NSUN6: variants seen among roughly 807,000 people sequenced by gnomAD.
The protein encoded by NSUN6 is tRNA (cytosine(72)-C(5))-methyltransferase NSUN6.
In NSUN6, 64 loss-of-function variants were observed where a neutral mutation model predicts 58.0. The ratio of observed to expected loss-of-function variants is 1.10; its 90% CI spans 0.90 to 1.36. The LOEUF (loss-of-function observed/expected upper bound fraction) is 1.36, where lower values mean the gene tolerates loss of function less well. Ranked by LOEUF, NSUN6 falls within the 40% of genes most tolerant of loss-of-function variation. NSUN6 has a pLI of 0.00. For synonymous variants in NSUN6, 231 were observed against 193.9 expected, an observed-to-expected ratio of 1.19 and a Z score of -1.59; for missense variants, 701 against 550.1, an observed-to-expected ratio of 1.27 and a Z score of -2.74.
intron 8 of NSUN6, among the ~76,000 whole-genome samples, chr10:18,565,290 A>G (rs1478565853): frequency 6.9e-6 from 1 of 144,976 alleles, no homozygotes; most frequent in Non-Finnish European, 1.5e-5. Flanking sequence ...TACATTTTCC[A>G]TTCCATTCTG....
chr10:18,630,890 C>T (rs1442730436), intron 3 of NSUN6, among the ~76,000 whole-genome samples: 1 of 151,998 alleles, frequency 6.6e-6, no homozygotes, highest in African/African-American at 2.4e-5. Flanking sequence ...GGAATCCTCC[C>T]TAACTCATTT....
At chr10:18,554,319 A>C (rs950199664) in intron 8 of NSUN6, among the ~76,000 whole-genome samples, 3 of 151,330 alleles carry the variant, frequency 2.0e-5, no homozygotes, top group Admixed American at 1.3e-4. Context: ...TGGAGAGTGG[A>C]ATGCAATGTG....
chr10:18,640,127 T>A (rs1046108529), intron 3 of NSUN6, among the ~76,000 whole-genome samples: 2 of 152,260 alleles, frequency 1.3e-5, no homozygotes, highest in Non-Finnish European at 2.9e-5. Flanking sequence ...TGGAACGATA[T>A]CCATTATACA....
In NSUN6 at chr10:18,622,302, G is replaced by A. The variant is rs139658760; in HGVS notation, c.312-6009C>T. 4.1e-3 allele frequency among the ~76,000 whole-genome samples: 631 copies of A among 152,260 alleles called. 8 individuals are homozygous for A. Among genetic ancestry groups the A allele is most frequent in the Non-Finnish European group, 5.1e-3 (348 of 68,024 alleles). On this transcript the variant is annotated intron_variant, in intron 3 of 10. Coordinates refer to ENST00000377304, the MANE Select transcript of NSUN6 (RefSeq NM_182543.5). ...CAATGAGAAGTCAGCTATCTGCATC[G>A]CAGAAGAGGGCACTCACCAGAACCC...
intron 3 of NSUN6, among the ~76,000 whole-genome samples, chr10:18,631,799 GAATC>G (rs1319097432): frequency 1.3e-5 from 2 of 151,978 alleles, no homozygotes; most frequent in African/African-American, 4.8e-5. Context: ...TGGGTAGGAA[GAATC>G]AATATCGTAA....
At chr10:18,547,360 G>A (rs988379609) in intron 10 of NSUN6, among the ~76,000 whole-genome samples, 1 of 152,134 alleles carries the variant, frequency 6.6e-6, no homozygotes, top group South Asian at 2.1e-4. Context: ...AATGAATTCC[G>A]AAGTCTTCCT....
intron 8 of NSUN6, among the ~76,000 whole-genome samples, chr10:18,580,960 A>C (rs1304447769): frequency 1.3e-5 from 2 of 152,204 alleles, no homozygotes; most frequent in East Asian, 3.9e-4. Flanking sequence ...AGCATAAATG[A>C]AAGAAAGTAA....
intron 8 of NSUN6, among the ~76,000 whole-genome samples, chr10:18,552,668 C>CTCCAT (rs999904113): frequency 7.3e-5 from 11 of 151,704 alleles, no homozygotes; most frequent in Admixed American, 2.6e-4. Context: ...CTATTCCATT[C>CTCCAT]TCCATTCCAT....
chr10:18,644,537 T>C (rs1021783183), intron 2 of NSUN6, among the ~76,000 whole-genome samples: 2 of 150,584 alleles, frequency 1.3e-5, no homozygotes, highest in Non-Finnish European at 3.0e-5. Context: ...TACATATGAG[T>C]AAGTACAAGA....
At chr10:18,616,451 G>GA (rs1456941528) in intron 3 of NSUN6, among the ~76,000 whole-genome samples, 158 bp from the exon 4 acceptor site, 2 of 152,016 alleles carry the variant, frequency 1.3e-5, no homozygotes, top group Admixed American at 1.3e-4. Context: ...GAGGAAACAG[G>GA]AAAAAACAGC....
intron 7 of NSUN6, among the ~76,000 whole-genome samples, chr10:18,590,720 G>C (rs988311414): frequency 1.6e-4 from 25 of 152,122 alleles, no homozygotes; most frequent in African/African-American, 5.8e-4. Context: ...AGAACAAAGA[G>C]ACAATGTACC....
Position 18,586,110 on chromosome 10 carries a change from C to T in NSUN6, c.778-17G>A. 1 of 1,493,730 alleles carries T rather than the reference C, an allele frequency of 6.7e-7. No homozygotes were observed. The highest frequency in any genetic ancestry group is 9.0e-7 in the Non-Finnish European group (1 of 1,114,218). 92.5% of individuals were successfully genotyped at this position (1,493,730 alleles called of 1,614,324 possible). ...AACTTCTCCCTAAAAAGAAACAAAA[C>T]ACACACATGCAGAAAAAAAAAAAGA... is the stretch of plus-strand genomic sequence containing the variant. On this transcript the variant is annotated splice_polypyrimidine_tract_variant and intron_variant, in intron 7 of 10. Coordinates refer to ENST00000377304, the MANE Select transcript of NSUN6 (RefSeq NM_182543.5).
chr10:18,635,425 G>A lies in NSUN6; in HGVS notation c.311+7051C>T, dbSNP rs550444688. 1.1e-4 allele frequency among the ~76,000 whole-genome samples: 17 copies of A among 152,274 alleles called. No individual in the cohort carries two copies. In the East Asian group the frequency reaches 1.9e-3, roughly 17 times the overall value. On this transcript the variant is annotated intron_variant, in intron 3 of 10. Coordinates refer to ENST00000377304, the MANE Select transcript of NSUN6 (RefSeq NM_182543.5). ...TGTAGGTAATATCTGTGCCAGAAAC[G>A]CAGCACACAAAGTCCTGCTGCCTTT...
chr10:18,642,193 A>G (rs372778409), intron 3 of NSUN6, among the ~76,000 whole-genome samples: 135 of 151,746 alleles, frequency 8.9e-4, no homozygotes, highest in African/African-American at 1.2e-3. Context: ...AAGTAAACAA[A>G]TGAAATAAAA....
upstream of NSUN6, chr10:18,654,522 G>A (rs1175064446): frequency 6.6e-6 from 1 of 152,164 alleles, no homozygotes; most frequent in Non-Finnish European, 1.5e-5. Flanking sequence ...TCCTGTATCA[G>A]TACAGCAGCT....
intron 8 of NSUN6, among the ~76,000 whole-genome samples, chr10:18,554,231 G>A (rs1035903805): frequency 6.6e-6 from 1 of 150,878 alleles, no homozygotes; most frequent in African/African-American, 2.4e-5. Flanking sequence ...GAATGGACTG[G>A]AGACTGGAAG....
rs557757660 is a variant in NSUN6, at chr10:18,597,468, AC to A, written c.658-1142del. On this transcript the variant is annotated intron_variant, in intron 6 of 10. Transcript: ENST00000377304. The stretch of plus-strand genomic sequence containing the variant: ...GACTGAACAATACATCCATTAGTAC[AC>A]CCTCAAGAACTGTGAGATGGCCAGG... 3.7e-3 allele frequency among the ~76,000 whole-genome samples: 565 copies of A among 152,206 alleles called. 1 individual carries two copies. Among genetic ancestry groups the A allele is most frequent in the Middle Eastern group, 0.01 (3 of 294 alleles).
At chr10:18,637,347 AT>A (rs1233186888) in intron 3 of NSUN6, among the ~76,000 whole-genome samples, 1 of 152,218 alleles carries the variant, frequency 6.6e-6, no homozygotes, top group African/African-American at 2.4e-5. Context: ...CACCATTTGT[AT>A]TTTATACATT....
intron 6 of NSUN6, among the ~76,000 whole-genome samples, chr10:18,599,703 G>A (rs930621463): frequency 2.9e-4 from 44 of 152,304 alleles, no homozygotes; most frequent in African/African-American, 9.9e-4. Context: ...ATAGGTGGTA[G>A]GGCCAGGCAG....
Sources: allele counts gnomAD v4.1 joint callset (sites outside exome capture counted in the v4.1 genomes callset), GRCh38; gene constraint gnomAD v4.1.1; transcripts MANE v1.5; gene names NCBI Gene and HGNC (gene_info 2026-07-23, HGNC 2026-07-21).